RBFOX1: variants seen among roughly 807,000 people sequenced by gnomAD.
RBFOX1 encodes the protein RNA binding fox-1 homolog 1.
A neutral mutation model predicts 57.7 loss-of-function variants in RBFOX1; 8 were observed. That is an observed-to-expected ratio of 0.14 (90% CI 0.08 to 0.25). The LOEUF (loss-of-function observed/expected upper bound fraction) is 0.25. Ranked by LOEUF, RBFOX1 falls within the 10% of genes least tolerant of loss-of-function variation. The pLI is 1.00. For synonymous variants in RBFOX1, 326 were observed against 222.4 expected (o/e 1.47, Z -4.15); for missense variants, 611 against 548.5 (o/e 1.11, Z -1.14).
chr16:6,652,281 T>G (rs2098602669), intron 2 of RBFOX1, among the ~76,000 whole-genome samples: 1 of 152,122 alleles, frequency 6.6e-6, no homozygotes, highest in East Asian at 1.9e-4. Context: ...AAATCCCATC[T>G]CTACTAAAAA....
intron 10 of RBFOX1, among the ~76,000 whole-genome samples, chr16:7,620,144 G>A (rs976348270): frequency 1.3e-5 from 2 of 152,162 alleles, no homozygotes; most frequent in South Asian, 2.1e-4. Context: ...AGTCCTCAGA[G>A]CATCATTGTT....
intron 14 of RBFOX1, among the ~76,000 whole-genome samples, chr16:7,689,565 T>A (rs1458862203): frequency 6.6e-6 from 1 of 151,940 alleles, no homozygotes; most frequent in Non-Finnish European, 1.5e-5. Flanking sequence ...GTGGTCAGAG[T>A]TGAAACCCAG....
At chr16:7,425,701 A>C (rs2098603815) in intron 4 of RBFOX1, among the ~76,000 whole-genome samples, 2 of 152,202 alleles carry the variant, frequency 1.3e-5, no homozygotes, top group Admixed American at 1.3e-4. Context: ...CTACCTGGGC[A>C]AAAGCTCCAA....
chr16:7,128,958 C>G (rs889477390), intron 4 of RBFOX1, among the ~76,000 whole-genome samples: 1 of 151,492 alleles, frequency 6.6e-6, no homozygotes, highest in African/African-American at 2.4e-5. Flanking sequence ...GTAGCTGGGA[C>G]TACAGGTGCA....
In RBFOX1 at chr16:5,667,673, C is replaced by T. The variant is rs1245464001; in HGVS notation, c.318+68712C>T. Among the ~76,000 whole-genome samples the T allele has an allele frequency of 2.6e-5, 4 of 152,094 alleles. No individual in the cohort carries two copies. The East Asian group carries it at 7.7e-4, about 29-fold the overall frequency. On this transcript the variant is annotated intron_variant, in intron 3 of 19. Coordinates refer to the RBFOX1 transcript ENST00000641259. ...ATTTTTCTGATTGATCTCTGGATAT[C>T]TTTTCATTTATCCTTTCTAGTTGGT...
intron 3 of RBFOX1, among the ~76,000 whole-genome samples, chr16:6,742,138 G>C (rs993669736): frequency 1.3e-5 from 2 of 152,128 alleles, no homozygotes; most frequent in Non-Finnish European, 2.9e-5. Context: ...AAATGTCAAA[G>C]AGTGAAAACC....
At chr16:6,398,984 G>A (rs1487006856) in intron 2 of RBFOX1, among the ~76,000 whole-genome samples, 5 of 152,132 alleles carry the variant, frequency 3.3e-5, no homozygotes, top group East Asian at 1.9e-4. Context: ...CCGGATATCT[G>A]GGCATTTCCA....
chr16:7,023,538 C>A (rs974848474), intron 3 of RBFOX1, among the ~76,000 whole-genome samples: 1 of 127,018 alleles, frequency 7.9e-6, no homozygotes, highest in African/African-American at 3.2e-5. Flanking sequence ...AACAGCCTGG[C>A]CAACATGGTG....
At chr16:6,334,528 A>T (rs117618780) in intron 2 of RBFOX1, among the ~76,000 whole-genome samples, 12,934 of 147,986 alleles carry the variant, frequency 0.087, 790 homozygotes, top group Middle Eastern at 0.16. Context: ...AAAAAAATCA[A>T]AGAAATATGC....
At chr16:5,834,038 C>T (rs138867016) in intron 3 of RBFOX1, among the ~76,000 whole-genome samples, 1 of 152,166 alleles carries the variant, frequency 6.6e-6, no homozygotes. Context: ...GTGTCCAGCC[C>T]CAGGCCTGGC....
chr16:6,060,029 C>T (rs1020221590), intron 1 of RBFOX1, among the ~76,000 whole-genome samples: 2 of 150,770 alleles, frequency 1.3e-5, no homozygotes, highest in Non-Finnish European at 2.9e-5. Flanking sequence ...GCTGTTCTTT[C>T]CCACTCTGTT....
At chr16:7,166,361 T>C (rs1007315951) in intron 4 of RBFOX1, among the ~76,000 whole-genome samples, 1 of 152,034 alleles carries the variant, frequency 6.6e-6, no homozygotes, top group Non-Finnish European at 1.5e-5. Flanking sequence ...AGCAAATAGC[T>C]TGTGAGCTTA....
Position 7,263,788 on chromosome 16 carries a change from C to G in RBFOX1, c.27+211690C>G, listed in dbSNP as rs114417682. 9.3e-3 allele frequency among the ~76,000 whole-genome samples: 1,409 copies of G among 151,930 alleles called. 18 individuals carry two copies. The highest frequency in any genetic ancestry group is 0.033 in the African/African-American group (1,352 of 41,412). ...GCACGTGCCTGTAATCCCAGCTGCTCAAGAGGTAGGCTGAGGCGGGAGAAT... is the reference window on the plus strand; with the variant it reads ...GCACGTGCCTGTAATCCCAGCTGCTGAAGAGGTAGGCTGAGGCGGGAGAAT... On this transcript the variant is annotated intron_variant, in intron 4 of 15. Transcript: ENST00000550418.
intron 2 of RBFOX1, among the ~76,000 whole-genome samples, chr16:6,463,884 T>A (rs62016763): frequency 0.14 from 20,623 of 151,418 alleles, 1,729 homozygotes; most frequent in Middle Eastern, 0.2. Flanking sequence ...CACCATGACC[T>A]AGGAGGTGTA....
intron 4 of RBFOX1, among the ~76,000 whole-genome samples, chr16:7,266,855 C>A (rs2095162796): frequency 1.3e-5 from 2 of 152,028 alleles, no homozygotes; most frequent in African/African-American, 2.4e-5. Flanking sequence ...CAGGGAAGGC[C>A]TGTTTGAGCA....
At chr16:6,458,804 A>C (rs1382204671) in intron 2 of RBFOX1, among the ~76,000 whole-genome samples, 1 of 152,236 alleles carries the variant, frequency 6.6e-6, no homozygotes, top group Non-Finnish European at 1.5e-5. Context: ...GTGGATTTCT[A>C]GGACAAACAC....
At position 5,357,908 on chromosome 16, in the gene RBFOX1, C is replaced by T. The variant is rs141449919; in HGVS notation, c.220-109308C>T. On this transcript the variant is annotated intron_variant, in intron 1 of 2. Coordinates refer to the RBFOX1 transcript ENST00000585867. Reference sequence around the variant, plus strand: ...TGAAATGTAAACCAGATAAAAATGACGATTAGGAATACTAATAGTGAGTTT... The same window carrying T: ...TGAAATGTAAACCAGATAAAAATGATGATTAGGAATACTAATAGTGAGTTT... Among the ~76,000 whole-genome samples, 30 of 152,262 alleles carry T rather than the reference C, an allele frequency of 2.0e-4. 2 individuals carry two copies. The highest frequency in any genetic ancestry group is 7.7e-4 in the East Asian group (4 of 5,180).
At chr16:6,153,616 A>G (rs1270213825) in intron 1 of RBFOX1, among the ~76,000 whole-genome samples, 1 of 151,870 alleles carries the variant, frequency 6.6e-6, no homozygotes. Context: ...GCTCACTGCA[A>G]CCTCTGCCTC....
chr16:7,357,699 T>C (rs2097244593), intron 4 of RBFOX1, among the ~76,000 whole-genome samples: 1 of 152,220 alleles, frequency 6.6e-6, no homozygotes, highest in Admixed American at 6.5e-5. Flanking sequence ...TCAGTTTTCT[T>C]GCCCTGCCCA....
Sources: gnomAD v4.1 joint callset for allele counts (sites outside exome capture counted in the v4.1 genomes callset) on GRCh38, gnomAD v4.1.1 for gene constraint, MANE v1.5 for transcripts, NCBI Gene and HGNC (gene_info 2026-07-23, HGNC 2026-07-21) for gene names.